The following KIRREL3 variants were observed in gnomAD, a reference collection of about 807,000 sequenced individuals.
KIRREL3 encodes the protein kirre like nephrin family adhesion molecule 3, also known as kin of IRRE-like protein 3.
Under a neutral mutation model 89.7 loss-of-function variants are expected in KIRREL3, and 36 were observed. The observed-to-expected ratio is 0.40, with a 90% CI of 0.31 to 0.53. The LOEUF is 0.53. Ranked by LOEUF, KIRREL3 falls within the 20% of genes least tolerant of loss-of-function variation. The pLI is 0.49. For synonymous variants in KIRREL3, 445 were observed against 441.4 expected (o/e 1.01, Z -0.10); for missense variants, 864 against 1,056.6 (o/e 0.82, Z 2.53).
In KIRREL3 at chr11:126,682,590, T is replaced by C. The variant is rs993375816; in HGVS notation, c.56-119678A>G. 1.3e-5 allele frequency among the ~76,000 whole-genome samples: 2 copies of C among 152,136 alleles called. No individual in the cohort carries two copies. Among genetic ancestry groups the C allele is most frequent in the African/African-American group, 4.8e-5 (2 of 41,434 alleles). On this transcript the variant is annotated intron_variant, in intron 1 of 16. Transcript: ENST00000525144. This position sits in a 1 kb window ranked among gnomAD's most constrained non-coding sequence, Gnocchi z 4.8. Reference sequence around the variant, plus strand: ...TGGCACCAGGGACAGGTTTCATGGATGGCAATTTTTCCATGGACCTGGGTA... The same window carrying C: ...TGGCACCAGGGACAGGTTTCATGGACGGCAATTTTTCCATGGACCTGGGTA...
chr11:126,824,322 A>G (rs958401140), intron 1 of KIRREL3, among the ~76,000 whole-genome samples: 2 of 152,214 alleles, frequency 1.3e-5, no homozygotes, highest in East Asian at 3.9e-4. Flanking sequence ...CAGAGTGCCT[A>G]CCTGTGCCAG....
In KIRREL3 at chr11:126,694,819, C is replaced by G. The variant is rs910359971; in HGVS notation, c.56-131907G>C. The stretch of plus-strand genomic sequence containing the variant: ...AGATGCTCACTAAATGTAAAACTCC[C>G]TTATAAGGGTGGCTGGAATGGGGAC... On this transcript the variant is annotated intron_variant, in intron 1 of 16. Coordinates refer to ENST00000525144, the MANE Select transcript of KIRREL3 (RefSeq NM_032531.4). This position sits in a 1 kb window ranked among gnomAD's most constrained non-coding sequence, Gnocchi z 4.4. Among the ~76,000 whole-genome samples, 6 of 152,168 alleles carry G rather than the reference C, an allele frequency of 3.9e-5. No individual in the cohort carries two copies. The highest frequency in any genetic ancestry group is 1.4e-4 in the African/African-American group (6 of 41,442).
chr11:126,438,507 C>T (rs1955444867), intron 11 of KIRREL3, among the ~76,000 whole-genome samples: 1 of 152,220 alleles, frequency 6.6e-6, no homozygotes, highest in African/African-American at 2.4e-5. Context: ...CCAGGAGTAT[C>T]CTCCAAGTGA....
rs371269402 is a variant in KIRREL3 at position 126,454,968 on chromosome 11, ACCT to A, written c.848+1378_848+1380del. Among the ~76,000 whole-genome samples the A allele has an allele frequency of 4.1e-4, 63 of 152,164 alleles. No individual in the cohort carries two copies. The highest frequency in any genetic ancestry group is 7.9e-4 in the Admixed American group (12 of 15,280). Reference sequence around the variant, plus strand: ...CTTAATTACGCACTCTGCAGGGAGCACCTCCTCATGTCCAACCTGAATCCCTGG... The same window carrying A: ...CTTAATTACGCACTCTGCAGGGAGCACCTCATGTCCAACCTGAATCCCTGG... On this transcript the variant is annotated intron_variant, in intron 7 of 16. Transcript: ENST00000525144. The surrounding 1 kb of genome is among the most constrained non-coding windows in gnomAD (Gnocchi z 5.8).
In KIRREL3 at chr11:126,496,716, G is replaced by A. The variant is rs1405447938; in HGVS notation, c.434-23250C>T. 1.3e-5 allele frequency among the ~76,000 whole-genome samples: 2 copies of A among 151,976 alleles called. No individual in the cohort carries two copies. The highest frequency in any genetic ancestry group is 2.4e-5 in the African/African-American group (1 of 41,358). On this transcript the variant is annotated intron_variant, in intron 4 of 16. Coordinates refer to ENST00000525144, the MANE Select transcript of KIRREL3 (RefSeq NM_032531.4). The surrounding 1 kb of genome is among the most constrained non-coding windows in gnomAD (Gnocchi z 4.9). Reference sequence around the variant, plus strand: ...TATCTGCCAAAACCCAAACAGAAGCGCTCAGAAATGTTGGAGGGCCTGCGT... The same window carrying A: ...TATCTGCCAAAACCCAAACAGAAGCACTCAGAAATGTTGGAGGGCCTGCGT...
Position 126,905,621 on chromosome 11 carries a change from C to A in KIRREL3, c.55+94834G>T, listed in dbSNP as rs1352247690. ...AGAGCATTGCAAGCCTCATCCTGCA[C>A]AGTGGCTTGGTGTGTGATTCGGTGT... On this transcript the variant is annotated intron_variant, in intron 1 of 16. Transcript: ENST00000525144. This position sits in a 1 kb window ranked among gnomAD's most constrained non-coding sequence, Gnocchi z 5.0. 1.3e-5 allele frequency among the ~76,000 whole-genome samples: 2 copies of A among 152,162 alleles called. No homozygotes were observed. Among genetic ancestry groups the A allele is most frequent in the Non-Finnish European group, 2.9e-5 (2 of 68,028 alleles).
In KIRREL3 at chr11:126,513,367, C is replaced by T. The variant is rs778177846; in HGVS notation, c.433+7948G>A. Among the ~76,000 whole-genome samples, 39 of 152,160 alleles carry T rather than the reference C, an allele frequency of 2.6e-4. No individual in the cohort carries two copies. Among genetic ancestry groups the T allele is most frequent in the African/African-American group, 8.7e-4 (36 of 41,428 alleles). ...CGAGCTTCTGGGCCCCTCCAGAAAT[C>T]GCTCATGGTGGCACTGGCTGGGGTA... is the stretch of plus-strand genomic sequence containing the variant. On this transcript the variant is annotated intron_variant, in intron 4 of 16. Transcript: ENST00000525144. The surrounding 1 kb of genome is among the most constrained non-coding windows in gnomAD (Gnocchi z 5.9).
intron 2 of KIRREL3, among the ~76,000 whole-genome samples, chr11:126,547,592 G>C (rs1222516265): frequency 6.6e-6 from 1 of 152,142 alleles, no homozygotes; most frequent in Non-Finnish European, 1.5e-5. Context: ...TCCTCAGGCT[G>C]TGTCCTCTCT....
intron 2 of KIRREL3, among the ~76,000 whole-genome samples, chr11:126,532,266 C>T (rs934977601): frequency 6.6e-5 from 10 of 152,236 alleles, no homozygotes; most frequent in Middle Eastern, 3.4e-3. Flanking sequence ...CACCACTATC[C>T]GATGTAGGTT....
At chr11:126,690,686 A>T (rs2135130885) in intron 1 of KIRREL3, among the ~76,000 whole-genome samples, 1 of 152,316 alleles carries the variant, frequency 6.6e-6, no homozygotes, top group Admixed American at 6.5e-5. Flanking sequence ...TCGCTGACTA[A>T]TCCCTGAACC....
At chr11:126,923,740 G>T (rs1208678056) in intron 1 of KIRREL3, among the ~76,000 whole-genome samples, 1 of 152,060 alleles carries the variant, frequency 6.6e-6, no homozygotes, top group Non-Finnish European at 1.5e-5. Context: ...CACCGCACCT[G>T]GCCTGCCTAC....
At chr11:126,468,579 C>T (rs1206899384) in intron 5 of KIRREL3, among the ~76,000 whole-genome samples, 3 of 152,180 alleles carry the variant, frequency 2.0e-5, no homozygotes, top group African/African-American at 7.2e-5. Context: ...CCTACTGGTC[C>T]CATGGTGGAG....
In KIRREL3 at chr11:126,925,105, G is replaced by GTT. The variant is rs1565426874; in HGVS notation, c.55+75349_55+75350insAA. Among the ~76,000 whole-genome samples the GTT allele has an allele frequency of 1.1e-4, 16 of 149,074 alleles. No individual in the cohort carries two copies. The East Asian group carries it at 1.4e-3, about 13-fold the overall frequency. ...CCTCACCATAAAAAGGTCGGGGGGG[G>GTT]GGGGGGGCTGTTGGTCACAGGATTG... On this transcript the variant is annotated intron_variant, in intron 1 of 16. Transcript: ENST00000525144.
At position 126,570,728 on chromosome 11, in the gene KIRREL3, A is replaced by T. The variant is rs1225170162; in HGVS notation, c.56-7816T>A. Among the ~76,000 whole-genome samples the T allele has an allele frequency of 6.6e-6, 1 of 152,202 alleles. No individual in the cohort carries two copies. The highest frequency in any genetic ancestry group is 6.5e-5 in the Admixed American group (1 of 15,280). On this transcript the variant is annotated intron_variant, in intron 1 of 16. Coordinates refer to ENST00000525144, the MANE Select transcript of KIRREL3 (RefSeq NM_032531.4). The surrounding 1 kb of genome is among the most constrained non-coding windows in gnomAD (Gnocchi z 6.1). The stretch of plus-strand genomic sequence containing the variant: ...TGCGGCCAAGGCAGGCATTATCAGC[A>T]ACTCCTCACCACCAGCTGTGGGGTC...
chr11:126,760,281 G>A (rs932108187), intron 1 of KIRREL3, among the ~76,000 whole-genome samples: 4 of 152,192 alleles, frequency 2.6e-5, no homozygotes, highest in African/African-American at 9.7e-5. Flanking sequence ...GAGATACCTA[G>A]ATCATCAAAT....
rs1944393625 is a variant in KIRREL3 at position 126,639,601 on chromosome 11, G to A, written c.56-76689C>T. On this transcript the variant is annotated intron_variant, in intron 1 of 16. Transcript: ENST00000525144. This position sits in a 1 kb window ranked among gnomAD's most constrained non-coding sequence, Gnocchi z 4.3. ...TCTCAGGGCTCTGCAAGCTGGAGAT[G>A]AGATCGGCTAATCCTGACTCTATTC... Among the ~76,000 whole-genome samples, 1 of 152,232 alleles carries A rather than the reference G, an allele frequency of 6.6e-6. No homozygotes were observed. The highest frequency in any genetic ancestry group is 2.4e-5 in the African/African-American group (1 of 41,458).
rs558259910 is a variant in KIRREL3, at chr11:126,740,116, G to GT, written c.56-177205dup. Among the ~76,000 whole-genome samples, 2 of 152,074 alleles carry GT rather than the reference G, an allele frequency of 1.3e-5. No individual in the cohort carries two copies. The highest frequency in any genetic ancestry group is 4.8e-5 in the African/African-American group (2 of 41,412). ...AATTTGGCCCATTAGTTCAAATTGT[G>GT]TTTTTTTCTTCCCTCCTTCTTTTAT... On this transcript the variant is annotated intron_variant, in intron 1 of 16. Transcript: ENST00000525144. The surrounding 1 kb of genome is among the most constrained non-coding windows in gnomAD (Gnocchi z 6.0).
chr11:126,497,209 A>AGTGAGAGAGTGAGT (rs1957690581), intron 4 of KIRREL3, among the ~76,000 whole-genome samples: 1 of 92,624 alleles, frequency 1.1e-5, no homozygotes, highest in Non-Finnish European at 2.3e-5. Context: ...TGTGAGTGTG[A>AGTGAGAGAGTGAGT]GTGTGTGAGA....
rs1233597405 is a variant in KIRREL3 at position 126,454,345 on chromosome 11, C to T, written c.848+2004G>A. 6.6e-6 allele frequency among the ~76,000 whole-genome samples: 1 copy of T among 152,124 alleles called. No homozygotes were observed. The highest frequency in any genetic ancestry group is 1.5e-5 in the Non-Finnish European group (1 of 68,028). The stretch of plus-strand genomic sequence containing the variant: ...CGTGCAGCCCTGCTGTCTGCCCAGC[C>T]TACCCATCACTAGGACCCCAGGTGA... On this transcript the variant is annotated intron_variant, in intron 7 of 16. Coordinates refer to ENST00000525144, the MANE Select transcript of KIRREL3 (RefSeq NM_032531.4). This position sits in a 1 kb window ranked among gnomAD's most constrained non-coding sequence, Gnocchi z 5.8.
Sources: allele counts gnomAD v4.1 joint callset (sites outside exome capture counted in the v4.1 genomes callset), GRCh38; gene constraint gnomAD v4.1.1; non-coding constraint Gnocchi (gnomAD v3.1); transcripts MANE v1.5; gene names NCBI Gene and HGNC (gene_info 2026-07-23, HGNC 2026-07-21).